PPFIA2: variants seen among roughly 807,000 people sequenced by gnomAD.
The protein encoded by PPFIA2 is liprin-alpha-2.
In PPFIA2, 46 loss-of-function variants were observed where a neutral mutation model predicts 175.5. That is an observed-to-expected ratio of 0.26 (90% CI 0.21 to 0.34). The LOEUF (loss-of-function observed/expected upper bound fraction) is 0.34. Ranked by LOEUF, PPFIA2 falls within the 10% of genes least tolerant of loss-of-function variation. The pLI, the probability that PPFIA2 is intolerant of heterozygous loss-of-function variation, is 1.00. For missense variants in PPFIA2, 1,179 were observed against 1,506.1 expected (o/e 0.78, Z 3.60); for synonymous variants, 568 against 511.4 (o/e 1.11, Z -1.49).
At chr12:81,365,011 T>C (rs1478285270) in intron 14 of PPFIA2, among the ~76,000 whole-genome samples, 1 of 151,728 alleles carries the variant, frequency 6.6e-6, no homozygotes, top group Non-Finnish European at 1.5e-5. Context: ...AATGGAGATA[T>C]TGAGTTGGCA....
chr12:81,744,668 T>A (rs1271872897), intron 3 of PPFIA2, among the ~76,000 whole-genome samples: 1 of 152,136 alleles, frequency 6.6e-6, no homozygotes, highest in African/African-American at 2.4e-5. Flanking sequence ...TCAGGTGATC[T>A]ACCCACCTTG....
At chr12:81,638,789 G>A (rs985116052) in intron 4 of PPFIA2, among the ~76,000 whole-genome samples, 6 of 135,598 alleles carry the variant, frequency 4.4e-5, no homozygotes, top group Non-Finnish European at 7.7e-5. Flanking sequence ...CCGGGTTCAC[G>A]CCATTCTCCT....
At chr12:81,456,265 G>T (rs533312722) in intron 5 of PPFIA2, among the ~76,000 whole-genome samples, 2 of 152,160 alleles carry the variant, frequency 1.3e-5, no homozygotes, top group South Asian at 4.1e-4. Context: ...GACAGCAAAA[G>T]AAAAAAATTG....
In PPFIA2 at chr12:81,264,980, G is replaced by A. The variant is rs116795055; in HGVS notation, c.3556-1590C>T. 1.9e-3 allele frequency among the ~76,000 whole-genome samples: 279 copies of A among 150,558 alleles called. 3 individuals are homozygous for A. The highest frequency in any genetic ancestry group is 6.2e-3 in the African/African-American group (253 of 41,024). On this transcript the variant is annotated intron_variant, in intron 30 of 32. Coordinates refer to ENST00000549396, the MANE Select transcript of PPFIA2 (RefSeq NM_003625.5). ...GAGCTACACAACTCCTTACAGTGTC[G>A]TAGCTAGGGGCTTAAAAATAAGCCA...
chr12:81,578,526 AGTTT>A (rs1006249443), intron 4 of PPFIA2, among the ~76,000 whole-genome samples: 4 of 151,766 alleles, frequency 2.6e-5, no homozygotes, highest in Admixed American at 2.0e-4. Flanking sequence ...ACTTTTAATG[AGTTT>A]ATTTTATTTT....
intron 4 of PPFIA2, among the ~76,000 whole-genome samples, chr12:81,532,688 T>C (rs1002080875): frequency 6.6e-6 from 1 of 151,808 alleles, no homozygotes; most frequent in African/African-American, 2.4e-5. Flanking sequence ...ATCTATCCCA[T>C]TTGCAGAATT....
intron 7 of PPFIA2, among the ~76,000 whole-genome samples, chr12:81,438,040 C>T (rs2049412964): frequency 6.6e-6 from 1 of 151,748 alleles, no homozygotes; most frequent in South Asian, 2.1e-4. Flanking sequence ...ATGGTTTTAA[C>T]ACTACTAGCC....
At chr12:81,710,679 C>A (rs1046171176) in intron 3 of PPFIA2, among the ~76,000 whole-genome samples, 5 of 152,014 alleles carry the variant, frequency 3.3e-5, no homozygotes, top group Admixed American at 6.6e-5. Context: ...TCATATACAT[C>A]TTATACACAT....
intron 3 of PPFIA2, among the ~76,000 whole-genome samples, chr12:81,705,152 C>T (rs1596566447): frequency 8.4e-6 from 1 of 118,530 alleles, no homozygotes; most frequent in African/African-American, 3.1e-5. Context: ...TGTATTGTTA[C>T]AAAAATGAAA....
At chr12:81,309,348 G>C (rs1450547803) in intron 22 of PPFIA2, among the ~76,000 whole-genome samples, 4 of 152,022 alleles carry the variant, frequency 2.6e-5, no homozygotes, top group Non-Finnish European at 5.9e-5. Context: ...TCTGCAAGCT[G>C]AACATGTATA....
intron 3 of PPFIA2, among the ~76,000 whole-genome samples, chr12:81,700,612 A>C (rs1277394112): frequency 6.6e-6 from 1 of 152,158 alleles, no homozygotes; most frequent in African/African-American, 2.4e-5. Context: ...TTTAAAGATT[A>C]CTAGTTCCAC....
intron 4 of PPFIA2, among the ~76,000 whole-genome samples, chr12:81,510,756 A>T (rs2061686253): frequency 6.6e-6 from 1 of 152,098 alleles, no homozygotes; most frequent in Non-Finnish European, 1.5e-5. Context: ...GTGATGTACT[A>T]GTTTTGTATA....
At chr12:81,700,235 C>T (rs1306931530) in intron 3 of PPFIA2, among the ~76,000 whole-genome samples, 5 of 151,856 alleles carry the variant, frequency 3.3e-5, no homozygotes, top group Non-Finnish European at 5.9e-5. Flanking sequence ...GATGGCTAAA[C>T]CTTTATCTCT....
intron 19 of PPFIA2, among the ~76,000 whole-genome samples, chr12:81,343,288 G>A (rs554018692): frequency 6.4e-4 from 97 of 151,908 alleles, no homozygotes; most frequent in African/African-American, 1.6e-3. Context: ...CTACATTTTC[G>A]TATAGAACCT....
intron 22 of PPFIA2, among the ~76,000 whole-genome samples, chr12:81,305,462 G>A (rs541898246): frequency 2.2e-4 from 34 of 152,094 alleles, no homozygotes; most frequent in Non-Finnish European, 2.6e-4. Context: ...GGCCTTTAAG[G>A]TCATTCTTGA....
chr12:81,301,427 A>T (rs746302603), intron 22 of PPFIA2, among the ~76,000 whole-genome samples: 2 of 152,202 alleles, frequency 1.3e-5, no homozygotes, highest in Non-Finnish European at 2.9e-5. Flanking sequence ...TAACATTTTC[A>T]GAAGTGTATT....
chr12:81,546,928 GTCTTCT>G lies in PPFIA2; in HGVS notation c.304-89068_304-89063del, dbSNP rs145662518. On this transcript the variant is annotated intron_variant, in intron 4 of 32. Transcript: ENST00000549396. ...CCAGAGAACTTCTGATTCTCTACCTGTCTTCTTCTCTAATAGGGAAAGAGTTAGCAG... is the reference window on the plus strand; with the variant it reads ...CCAGAGAACTTCTGATTCTCTACCTGTCTCTAATAGGGAAAGAGTTAGCAG... Among the ~76,000 whole-genome samples the G allele has an allele frequency of 3.1e-3, 474 of 152,184 alleles. 18 individuals are homozygous for G. The East Asian group carries it at 0.069, about 22-fold the overall frequency.
At chr12:81,653,277 T>C (rs1940568732) in intron 4 of PPFIA2, among the ~76,000 whole-genome samples, 1 of 152,126 alleles carries the variant, frequency 6.6e-6, no homozygotes, top group African/African-American at 2.4e-5. Flanking sequence ...CTAGCATGAT[T>C]AGCTGTTGCC....
intron 28 of PPFIA2, among the ~76,000 whole-genome samples, chr12:81,274,933 C>G (rs1436354808): frequency 6.6e-6 from 1 of 152,110 alleles, no homozygotes; most frequent in African/African-American, 2.4e-5. Context: ...TTGCCAGATA[C>G]TAATATAACA....
Sources: gnomAD v4.1 joint callset for allele counts (sites outside exome capture counted in the v4.1 genomes callset) on GRCh38, gnomAD v4.1.1 for gene constraint, MANE v1.5 for transcripts, NCBI Gene and HGNC (gene_info 2026-07-23, HGNC 2026-07-21) for gene names.